TET2: variants seen among roughly 807,000 people sequenced by gnomAD.
The protein encoded by TET2 is methylcytosine dioxygenase TET2.
Under a neutral mutation model 142.9 loss-of-function variants are expected in TET2, and 299 were observed. That is an observed-to-expected ratio of 2.09 (90% CI 1.90 to 2.30). The LOEUF is 2.30. TET2 is among the 30% of genes most tolerant of loss of function. The pLI is 0.00. For missense variants in TET2, 2,418 were observed against 2,378.0 expected, an observed-to-expected ratio of 1.02 and a Z score of -0.35; for synonymous variants, 819 against 849.0, an observed-to-expected ratio of 0.96 and a Z score of 0.61.
In TET2 at chr4:105,275,977, AAT is replaced by A; in HGVS notation, c.5468_5469del (p.Asn1823ArgfsTer22). 6.4e-7 allele frequency: 1 copy of A among 1,551,732 alleles called. No homozygotes were observed. The highest frequency in any genetic ancestry group is 8.7e-7 in the Non-Finnish European group (1 of 1,146,982). On this transcript the variant is annotated frameshift_variant, in exon 11 of 11. Coordinates refer to ENST00000380013, the MANE Select transcript of TET2 (RefSeq NM_001127208.3). LOFTEE classifies it low-confidence loss of function (END_TRUNC). The part of the protein sequence containing the change: ...QGGLHKLSDA[N>X]GQEKQPLALV... ...AGGCTTACACAAATTAAGTGATGCT[AAT>A]GGTCAGGAAAAGCAGCCATTGGCAC...
At position 105,233,034 on chromosome 4, in the gene TET2, C is replaced by A. The variant is rs868793311; in HGVS notation, c.-46-863C>A. ...ATCTTCCTTTTGATAACAAAGGGAA[C>A]CTTAAAGGGCTGGAGGGGAAGGGCA... On this transcript the variant is annotated intron_variant, in intron 2 of 10. Coordinates refer to ENST00000380013, the MANE Select transcript of TET2 (RefSeq NM_001127208.3). 4.6e-5 allele frequency among the ~76,000 whole-genome samples: 7 copies of A among 152,018 alleles called. No homozygotes were observed. The South Asian group carries it at 6.2e-4, about 14-fold the overall frequency.
intron 8 of TET2, among the ~76,000 whole-genome samples, chr4:105,268,995 A>G (rs960184837): frequency 3.3e-5 from 5 of 152,154 alleles, no homozygotes; most frequent in Non-Finnish European, 7.4e-5. Context: ...AAATTTTTAA[A>G]AAGTTTGATA....
At position 105,276,781 on chromosome 4, in the gene TET2, C is replaced by A; in HGVS notation, c.*262C>A. 1 of 372,250 alleles carries A rather than the reference C, an allele frequency of 2.7e-6. No homozygotes were observed. Among genetic ancestry groups the A allele is most frequent in the Non-Finnish European group, 4.9e-6 (1 of 204,472 alleles). 23.1% of individuals were successfully genotyped at this position (372,250 alleles called of 1,614,324 possible). ...AGAAGGTGGGGAAGAAAGTGTTCCG[C>A]AATTTACATTTTTAAACACTGGTTC... On this transcript the variant is annotated 3_prime_UTR_variant, in exon 11 of 11. Coordinates refer to ENST00000380013, the MANE Select transcript of TET2 (RefSeq NM_001127208.3).
At position 105,234,820 on chromosome 4, in the gene TET2, G is replaced by A. The variant is rs768027669; in HGVS notation, c.878G>A (p.Ser293Asn). Reference protein sequence around the residue: ...ELPPKPAAVVSEACDADDADN... With the variant: ...ELPPKPAAVVNEACDADDADN... ...CCTCCAAAGCCAGCTGCAGTGGTGA[G>A]TGAGGCCTGTGATGCTGATGATGCT... The change falls in exon 3 of 11, where the codon AGT (serine) becomes AAT (asparagine). Residue 293 changes from serine to asparagine, a missense_variant. Physicochemically the swap from Ser to Asn is conservative, Grantham distance 46 (BLOSUM62 1). Transcript: ENST00000380013. The A allele has an allele frequency of 7.4e-6, 12 of 1,613,986 alleles. No homozygotes were observed. In the South Asian group the frequency reaches 1.2e-4, roughly 16 times the overall value.
intron 2 of TET2, among the ~76,000 whole-genome samples, chr4:105,192,914 A>G (rs12505746): frequency 0.13 from 19,589 of 152,186 alleles, 1,435 homozygotes; most frequent in African/African-American, 0.2. Context: ...TCTGATAAAG[A>G]TATAAAAACA....
intron 6 of TET2, among the ~76,000 whole-genome samples, chr4:105,252,042 A>C (rs2726518): frequency 0.63 from 94,967 of 151,930 alleles, 30,961 homozygotes; most frequent in African/African-American, 0.83. Flanking sequence ...ACAATTGTCG[A>C]TGAAAGTTCA....
At position 105,269,612 on chromosome 4, in the gene TET2, T is replaced by TG; in HGVS notation, c.4048dup (p.Glu1350GlyfsTer3). 6.4e-7 allele frequency: 1 copy of TG among 1,551,370 alleles called. No individual in the cohort carries two copies. Reference sequence around the variant, plus strand: ...TCACACACACTTTTATTTTTCAGATTGAATATGAACACAGAGCACCAGAGT... The same window carrying TG: ...TCACACACACTTTTATTTTTCAGATTGGAATATGAACACAGAGCACCAGAGT... On this transcript the variant is annotated frameshift_variant, in exon 9 of 11. Transcript: ENST00000380013. LOFTEE classifies it high-confidence loss of function.
At chr4:105,180,967 C>T (rs533384705) in intron 1 of TET2, among the ~76,000 whole-genome samples, 8 of 152,118 alleles carry the variant, frequency 5.3e-5, no homozygotes, top group Non-Finnish European at 5.9e-5. Flanking sequence ...CTCAAATCCT[C>T]AAATATATCC....
chr4:105,165,581 C>T (rs1394161479), intron 1 of TET2, among the ~76,000 whole-genome samples: 1 of 152,140 alleles, frequency 6.6e-6, no homozygotes, highest in Non-Finnish European at 1.5e-5. Context: ...TCTTTGAGAA[C>T]TAGGATCATA....
chr4:105,269,282 G>A lies in TET2; in HGVS notation c.4045-328G>A, dbSNP rs149071925. ...AATGAAAATCTGTAGTGATAGATTA[G>A]TAGTTGTCTGAGAACAAAGCAGGAA... On this transcript the variant is annotated intron_variant, in intron 8 of 10. Transcript: ENST00000380013. 1.2e-4 allele frequency among the ~76,000 whole-genome samples: 19 copies of A among 152,314 alleles called. No homozygotes were observed. The East Asian group carries it at 3.5e-3, about 28-fold the overall frequency.
At position 105,148,841 on chromosome 4, in the gene TET2, A is replaced by G. The variant is rs542653488; in HGVS notation, c.-193+1862A>G. On this transcript the variant is annotated intron_variant, in intron 1 of 10. Coordinates refer to ENST00000380013, the MANE Select transcript of TET2 (RefSeq NM_001127208.3). The stretch of plus-strand genomic sequence containing the variant: ...TTAAAAAATGGATAGAAGGAAAAAC[A>G]CAATAATAGATATTTCTCCATAAGT... Among the ~76,000 whole-genome samples, 5 of 152,344 alleles carry G rather than the reference A, an allele frequency of 3.3e-5. No individual in the cohort carries two copies. In the East Asian group the frequency reaches 9.6e-4, roughly 29 times the overall value.
At chr4:105,218,492 A>G (rs1727626289) in intron 2 of TET2, among the ~76,000 whole-genome samples, 2 of 152,114 alleles carry the variant, frequency 1.3e-5, no homozygotes, top group Admixed American at 6.6e-5. Context: ...CTTCAAACCG[A>G]AAGTGGTCTT....
intron 1 of TET2, among the ~76,000 whole-genome samples, chr4:105,164,715 A>T (rs1433273978): frequency 6.6e-6 from 1 of 152,232 alleles, no homozygotes; most frequent in Non-Finnish European, 1.5e-5. Flanking sequence ...GTGAATTCCC[A>T]GTTGCCTGAA....
chr4:105,163,804 TTCGAGAGAGAGA>T (rs1231595159), intron 1 of TET2, among the ~76,000 whole-genome samples: 10 of 103,406 alleles, frequency 9.7e-5, no homozygotes, highest in African/African-American at 3.7e-4. Context: ...GCTCGAAAGT[TTCGAGAGAGAGA>T]GAGAGAGAGA....
In TET2 at chr4:105,272,981, A is replaced by G. The variant is rs778313307; in HGVS notation, c.4537+63A>G. The G allele has an allele frequency of 7.2e-6, 10 of 1,392,100 alleles. No homozygotes were observed. In the African/African-American group the frequency reaches 7.3e-5, roughly 10 times the overall value. The allele number at this position is 1,392,100 out of a possible 1,614,324, so 86.2% of individuals were successfully genotyped here. A position where few individuals can be genotyped will look rare whatever the true frequency, so the allele number is the denominator to read the frequency against. ...GTGTGGTATATTAAAAATGAAAATT[A>G]TTTTGGTTTTGCCCCCATCAACTTG... is the stretch of plus-strand genomic sequence containing the variant. On this transcript the variant is annotated intron_variant, in intron 10 of 10. Coordinates refer to ENST00000380013, the MANE Select transcript of TET2 (RefSeq NM_001127208.3).
At chr4:105,242,260 A>G (rs926715684) in intron 4 of TET2, 2 of 1,086,344 alleles carry the variant, frequency 1.8e-6, no homozygotes, top group African/African-American at 1.6e-5. Context: ...AATTTCCCTA[A>G]GTGCCTTTTT....
chr4:105,250,390 T>TAC, intron 6 of TET2, among the ~76,000 whole-genome samples: 2 of 125,924 alleles, frequency 1.6e-5, no homozygotes, highest in Non-Finnish European at 3.2e-5. Context: ...ATTTTTTTTT[T>TAC]TTTTTTTTTT....
At chr4:105,223,406 A>T (rs1203285034) in intron 2 of TET2, among the ~76,000 whole-genome samples, 1 of 152,102 alleles carries the variant, frequency 6.6e-6, no homozygotes, top group Non-Finnish European at 1.5e-5. Flanking sequence ...AATAGTTTTT[A>T]ATTTTATAAG....
At chr4:105,153,872 G>A (rs1183124649) in intron 1 of TET2, among the ~76,000 whole-genome samples, 1 of 152,140 alleles carries the variant, frequency 6.6e-6, no homozygotes, top group East Asian at 1.9e-4. Flanking sequence ...GTTCATTACA[G>A]CATTATTAAT....
Sources: gnomAD v4.1 joint callset for allele counts (sites outside exome capture counted in the v4.1 genomes callset) on GRCh38, gnomAD v4.1.1 for gene constraint, MANE v1.5 for transcripts, NCBI Gene and HGNC (gene_info 2026-07-23, HGNC 2026-07-21) for gene names.